The following ZNF385B variants were observed in gnomAD, a reference collection of about 807,000 sequenced individuals.
The protein encoded by ZNF385B is zinc finger protein 533.
Under a neutral mutation model 39.2 loss-of-function variants are expected in ZNF385B, and 23 were observed. The observed-to-expected ratio is 0.59, with a 90% CI of 0.42 to 0.83. ZNF385B has a LOEUF of 0.83. Ranked by LOEUF, ZNF385B falls within the 40% of genes least tolerant of loss-of-function variation. ZNF385B has a pLI of 0.00. For missense variants in ZNF385B, 552 were observed against 598.9 expected (o/e 0.92, Z 0.82); for synonymous variants, 205 against 222.6 (o/e 0.92, Z 0.70).
At chr2:179,653,790 T>G (rs1693444076) in intron 3 of ZNF385B, among the ~76,000 whole-genome samples, 1 of 152,162 alleles carries the variant, frequency 6.6e-6, no homozygotes. Flanking sequence ...CAGTGACAAG[T>G]GTTCACTCAT....
At chr2:179,792,175 G>T (rs548260149) in intron 1 of ZNF385B, among the ~76,000 whole-genome samples, 1 of 151,906 alleles carries the variant, frequency 6.6e-6, no homozygotes, top group Non-Finnish European at 1.5e-5. Context: ...CTTCATCCCA[G>T]CCCTAGGATA....
chr2:179,485,368 C>G (rs1316345483), intron 5 of ZNF385B, among the ~76,000 whole-genome samples: 1 of 152,144 alleles, frequency 6.6e-6, no homozygotes, highest in African/African-American at 2.4e-5. Flanking sequence ...TTAGATTAAG[C>G]CATCTAAGGT....
At position 179,783,110 on chromosome 2, in the gene ZNF385B, C is replaced by T. The variant is rs776014214; in HGVS notation, c.-154-12438G>A. Reference sequence around the variant, plus strand: ...CTACAGGACTACAGTAACCAAATAGCATAGGACTGGTACAAAAACAGGTGC... The same window carrying T: ...CTACAGGACTACAGTAACCAAATAGTATAGGACTGGTACAAAAACAGGTGC... On this transcript the variant is annotated intron_variant, in intron 1 of 9. Transcript: ENST00000410066. 1.6e-4 allele frequency among the ~76,000 whole-genome samples: 25 copies of T among 152,104 alleles called. 1 individual carries two copies. Among genetic ancestry groups the T allele is most frequent in the South Asian group, 6.2e-4 (3 of 4,828 alleles).
intron 1 of ZNF385B, among the ~76,000 whole-genome samples, chr2:179,781,114 G>A (rs941708091): frequency 6.6e-6 from 1 of 152,100 alleles, no homozygotes; most frequent in Non-Finnish European, 1.5e-5. Flanking sequence ...CAAAGTCCTG[G>A]CAGGTTTACT....
intron 3 of ZNF385B, among the ~76,000 whole-genome samples, chr2:179,608,341 T>A (rs1411849432): frequency 6.6e-6 from 1 of 152,160 alleles, no homozygotes. Flanking sequence ...GGTGTGAACT[T>A]CAATCTGTAG....
intron 1 of ZNF385B, among the ~76,000 whole-genome samples, chr2:179,808,849 A>G (rs925926395): frequency 2.0e-5 from 3 of 152,242 alleles, no homozygotes; most frequent in Non-Finnish European, 4.4e-5. Flanking sequence ...ACATATTATG[A>G]TTAACAGGAA....
intron 3 of ZNF385B, among the ~76,000 whole-genome samples, chr2:179,713,740 T>C (rs1700150781): frequency 1.3e-5 from 2 of 152,174 alleles, no homozygotes; most frequent in African/African-American, 4.8e-5. Context: ...AATAAATGCA[T>C]GTTATAAAAG....
At chr2:179,777,347 A>C (rs1704386634) in intron 1 of ZNF385B, among the ~76,000 whole-genome samples, 1 of 152,200 alleles carries the variant, frequency 6.6e-6, no homozygotes, top group African/African-American at 2.4e-5. Context: ...AAAATGTCAC[A>C]ATAATTAACA....
intron 1 of ZNF385B, among the ~76,000 whole-genome samples, chr2:179,791,095 A>T (rs1390021277): frequency 6.6e-6 from 1 of 152,176 alleles, no homozygotes. Context: ...AGCAGGCAAT[A>T]TTTCAAAATG....
At chr2:179,636,626 G>C (rs114243214) in intron 3 of ZNF385B, among the ~76,000 whole-genome samples, 1 of 152,156 alleles carries the variant, frequency 6.6e-6, no homozygotes, top group Non-Finnish European at 1.5e-5. Context: ...ATACAAGTGA[G>C]GGCCCCTGAA....
At chr2:179,541,050 T>C (rs1044950670) in intron 4 of ZNF385B, among the ~76,000 whole-genome samples, 4 of 152,212 alleles carry the variant, frequency 2.6e-5, no homozygotes, top group African/African-American at 9.6e-5. Context: ...GACTCAAAAC[T>C]GTGTCTCTGT....
rs543874906 is a variant in ZNF385B at position 179,840,495 on chromosome 2, T to C, written c.-155+20606A>G. On this transcript the variant is annotated intron_variant, in intron 1 of 9. Transcript: ENST00000410066. ...AGCTGAAATTAGAAAAGGAAGTGAA[T>C]GAAAGCTAGGAGACCATTTAGAAAG... Among the ~76,000 whole-genome samples the C allele has an allele frequency of 2.0e-5, 3 of 152,210 alleles. No homozygotes were observed. In the South Asian group the frequency reaches 6.2e-4, roughly 32 times the overall value.
rs1329391506 is a variant in ZNF385B at position 179,513,366 on chromosome 2, A to C, written c.552+5162T>G. On this transcript the variant is annotated intron_variant, in intron 5 of 9. Coordinates refer to ENST00000410066, the MANE Select transcript of ZNF385B (RefSeq NM_152520.6). ...TTTGTGGCTTTACTGCCCAGAGTCT[A>C]AGAATGACTCAGAAGTCTAATTTCT... 5.9e-5 allele frequency among the ~76,000 whole-genome samples: 9 copies of C among 152,244 alleles called. No individual in the cohort carries two copies. In the East Asian group the frequency reaches 1.7e-3, roughly 29 times the overall value.
intron 3 of ZNF385B, among the ~76,000 whole-genome samples, chr2:179,564,416 G>A (rs960154943): frequency 2.0e-5 from 3 of 152,090 alleles, no homozygotes; most frequent in Admixed American, 1.3e-4. Flanking sequence ...ACCTAGCTAA[G>A]TCATCACCTT....
intron 1 of ZNF385B, among the ~76,000 whole-genome samples, chr2:179,818,697 AGTTC>A (rs1198191028): frequency 6.6e-6 from 1 of 152,202 alleles, no homozygotes; most frequent in Non-Finnish European, 1.5e-5. Flanking sequence ...ACTTCCGGTC[AGTTC>A]GTTCGGCCTC....
At chr2:179,498,641 A>G (rs527435690) in intron 5 of ZNF385B, among the ~76,000 whole-genome samples, 23 of 152,184 alleles carry the variant, frequency 1.5e-4, no homozygotes, top group African/African-American at 5.5e-4. Flanking sequence ...GAAACAAATG[A>G]TAATGGAAAC....
chr2:179,658,435 G>A (rs1377494720), intron 3 of ZNF385B, among the ~76,000 whole-genome samples: 1 of 152,138 alleles, frequency 6.6e-6, no homozygotes, highest in African/African-American at 2.4e-5. Flanking sequence ...AGGCAGAAGT[G>A]GATTTGCAAA....
At chr2:179,616,908 CCT>C (rs1385364668) in intron 3 of ZNF385B, among the ~76,000 whole-genome samples, 1 of 152,054 alleles carries the variant, frequency 6.6e-6, no homozygotes, top group Non-Finnish European at 1.5e-5. Context: ...CCCTCATCTG[CCT>C]CTTATTTCTT....
At chr2:179,753,956 C>T (rs1276239718) in intron 3 of ZNF385B, among the ~76,000 whole-genome samples, 1 of 152,126 alleles carries the variant, frequency 6.6e-6, no homozygotes, top group Non-Finnish European at 1.5e-5. Flanking sequence ...CTGGCCAGAA[C>T]TTCCAACACT....
Sources: gnomAD v4.1 joint callset for allele counts (sites outside exome capture counted in the v4.1 genomes callset) on GRCh38, gnomAD v4.1.1 for gene constraint, MANE v1.5 for transcripts, NCBI Gene and HGNC (gene_info 2026-07-23, HGNC 2026-07-21) for gene names.